Variants in ATXN1 observed in about 807,000 individuals in gnomAD.
The protein encoded by ATXN1 is ataxin-1.
Under a neutral mutation model 56.4 loss-of-function variants are expected in ATXN1, and 8 were observed. The ratio of observed to expected loss-of-function variants is 0.14; its 90% confidence interval spans 0.08 to 0.26. ATXN1 has a LOEUF of 0.26. Among genes scored for constraint, ATXN1 ranks in the 10% least tolerant of loss-of-function variants. The probability of loss-of-function intolerance (pLI) is 1.00; values close to 1 mark genes in which losing one functional copy is unlikely to be tolerated. For missense variants in ATXN1, 987 were observed against 1,106.5 expected (o/e 0.89, Z 1.53); for synonymous variants, 514 against 494.6 (o/e 1.04, Z -0.52).
chr6:16,561,109 C>A (rs1449094616), intron 4 of ATXN1, among the ~76,000 whole-genome samples: 4 of 151,752 alleles, frequency 2.6e-5, no homozygotes, highest in Admixed American at 6.6e-5. Context: ...AGGCTTCCTA[C>A]CCAGATGACC....
intron 5 of ATXN1, among the ~76,000 whole-genome samples, chr6:16,512,799 G>T (rs1185481445): frequency 1.3e-5 from 2 of 152,310 alleles, no homozygotes; most frequent in African/African-American, 4.8e-5. Flanking sequence ...TACTTTAAAA[G>T]AGAGACAGGA....
chr6:16,536,625 T>C (rs762026471), intron 4 of ATXN1, among the ~76,000 whole-genome samples: 1 of 152,220 alleles, frequency 6.6e-6, no homozygotes, highest in African/African-American at 2.4e-5. Flanking sequence ...AAAATTAGGC[T>C]TCTGATTTCT....
intron 3 of ATXN1, among the ~76,000 whole-genome samples, chr6:16,647,167 G>T (rs893665868): frequency 6.6e-6 from 1 of 152,044 alleles, no homozygotes; most frequent in African/African-American, 2.4e-5. Flanking sequence ...ACCACGCCCG[G>T]CTAATTTTTA....
intron 6 of ATXN1, among the ~76,000 whole-genome samples, chr6:16,395,395 G>C (rs179951): frequency 6.6e-6 from 1 of 151,386 alleles, no homozygotes; most frequent in Admixed American, 6.6e-5. Flanking sequence ...TGGATATAAA[G>C]TCATGCACCA....
chr6:16,558,722 T>C (rs1302618645), intron 4 of ATXN1, among the ~76,000 whole-genome samples: 4 of 152,126 alleles, frequency 2.6e-5, no homozygotes, highest in Admixed American at 6.5e-5. Context: ...ATTTAAAAAT[T>C]ATAATTACTG....
chr6:16,299,249 C>A lies in ATXN1; in HGVS notation c.*7080G>T, dbSNP rs548708943. 1.3e-5 allele frequency: 2 copies of A among 152,692 alleles called. No individual in the cohort carries two copies. Among genetic ancestry groups the A allele is most frequent in the Non-Finnish European group, 2.9e-5 (2 of 68,022 alleles). 9.5% of individuals were successfully genotyped at this position (152,692 alleles called of 1,614,324 possible). A position where few individuals can be genotyped will look rare whatever the true frequency, so the allele number is the denominator to read the frequency against. ...TTTTATTATAATAATGAAATAATTT[C>A]TACCTAGAAAACCTGCAAGCACCAT... is the stretch of plus-strand genomic sequence containing the variant. On this transcript the variant is annotated 3_prime_UTR_variant, in exon 8 of 8. Transcript: ENST00000436367.
chr6:16,712,377 A>G (rs707847), intron 2 of ATXN1, among the ~76,000 whole-genome samples: 85,740 of 152,030 alleles, frequency 0.56, 24,509 homozygotes, highest in South Asian at 0.68. Context: ...GAGTGAAAAC[A>G]GCCACGCAAG....
chr6:16,619,880 G>A (rs1358445988), intron 3 of ATXN1, among the ~76,000 whole-genome samples: 1 of 148,030 alleles, frequency 6.8e-6, no homozygotes, highest in East Asian at 2.0e-4. Context: ...CCGTCTCTAA[G>A]GGAAAAAAAA....
chr6:16,602,377 T>G (rs1010409525), intron 3 of ATXN1, among the ~76,000 whole-genome samples: 1 of 152,210 alleles, frequency 6.6e-6, no homozygotes, highest in African/African-American at 2.4e-5. Context: ...CTTTTAATTT[T>G]TTTAAGCTTT....
intron 4 of ATXN1, among the ~76,000 whole-genome samples, chr6:16,562,670 T>A (rs756824003): frequency 6.6e-6 from 1 of 152,008 alleles, no homozygotes; most frequent in African/African-American, 2.4e-5. Context: ...GGCCGAGAAG[T>A]TTCCAGTGCT....
At chr6:16,680,348 C>T (rs531545832) in intron 2 of ATXN1, among the ~76,000 whole-genome samples, 50 of 152,304 alleles carry the variant, frequency 3.3e-4, no homozygotes, top group African/African-American at 1.2e-3. Flanking sequence ...CAAACATGTC[C>T]TTCTGTTCCT....
intron 7 of ATXN1, among the ~76,000 whole-genome samples, chr6:16,315,261 A>G (rs1457273993): frequency 2.0e-5 from 3 of 152,120 alleles, no homozygotes; most frequent in Admixed American, 6.5e-5. Context: ...CGGCTGTTCA[A>G]TCAAGCACCT....
intron 6 of ATXN1, among the ~76,000 whole-genome samples, chr6:16,377,643 G>A (rs1762170303): frequency 6.6e-6 from 1 of 152,144 alleles, no homozygotes; most frequent in Non-Finnish European, 1.5e-5. Flanking sequence ...TAAGAGCAGA[G>A]AGGAACAAGA....
At chr6:16,715,686 T>C (rs756780) in intron 2 of ATXN1, among the ~76,000 whole-genome samples, 98,089 of 152,022 alleles carry the variant, frequency 0.65, 32,183 homozygotes, top group East Asian at 0.85. Context: ...TGCTTTGTGT[T>C]GGTATGAATG....
At chr6:16,402,472 G>A (rs1001176606) in intron 6 of ATXN1, among the ~76,000 whole-genome samples, 1 of 151,884 alleles carries the variant, frequency 6.6e-6, no homozygotes, top group Non-Finnish European at 1.5e-5. Context: ...CTGGCTTATA[G>A]CAATTTTCCA....
chr6:16,363,392 T>TCA (rs1761854335), intron 6 of ATXN1, among the ~76,000 whole-genome samples: 1 of 152,250 alleles, frequency 6.6e-6, no homozygotes, highest in Non-Finnish European at 1.5e-5. Flanking sequence ...TCAGAATATT[T>TCA]GCTGACCAGG....
chr6:16,351,405 G>GTT (rs35998688), intron 6 of ATXN1, among the ~76,000 whole-genome samples: 2,419 of 139,836 alleles, frequency 0.017, 62 homozygotes, highest in African/African-American at 0.057. Context: ...TAATTTCAGG[G>GTT]TTTTTTTTTT....
chr6:16,538,025 C>T (rs1459258681), intron 4 of ATXN1, among the ~76,000 whole-genome samples: 1 of 152,226 alleles, frequency 6.6e-6, no homozygotes, highest in East Asian at 1.9e-4. Context: ...ATCACTTAAA[C>T]CCAGGTCAGC....
chr6:16,605,825 A>C (rs1248925479), intron 3 of ATXN1, among the ~76,000 whole-genome samples: 1 of 152,128 alleles, frequency 6.6e-6, no homozygotes. Context: ...TTAACCGTAA[A>C]ATGGCCAAGA....
Sources: gnomAD v4.1 joint callset for allele counts (sites outside exome capture counted in the v4.1 genomes callset) on GRCh38, gnomAD v4.1.1 for gene constraint, MANE v1.5 for transcripts, NCBI Gene and HGNC (gene_info 2026-07-23, HGNC 2026-07-21) for gene names.